STRN4: variants seen among roughly 807,000 people sequenced by gnomAD.
STRN4 encodes striatin-4.
STRN4 carries 27 observed loss-of-function variants against 77.9 expected under a neutral mutation model. The observed-to-expected ratio is 0.35, with a 90% CI of 0.26 to 0.48. The LOEUF (loss-of-function observed/expected upper bound fraction) is 0.48. STRN4 is among the 20% of genes least tolerant of loss of function. The pLI is 0.99. For missense variants in STRN4, 798 were observed against 1,049.7 expected (o/e 0.76, Z 3.31); for synonymous variants, 466 against 443.1 (o/e 1.05, Z -0.65).
Position 46,746,414 on chromosome 19 carries a change from G to C in STRN4, c.17C>G (p.Ala6Gly), listed in dbSNP as rs1373712298. The change falls in exon 1 of 18, where the codon GCG becomes GGG. Residue 6 changes from alanine to glycine, a missense_variant. Physicochemically the swap from Ala to Gly is moderately conservative, Grantham distance 60. This residue lies in a region of STRN4 where 511 missense variants were observed against 575.9 expected (regional missense o/e 0.89). Transcript: ENST00000263280. MMEER[A>G]AAAVAAAASS... is the part of the protein sequence containing the mutation. ...GGCGGCGGCGGCGACCGCGGCGGCC[G>C]CTCGCTCCTCCATCATGGAGGCCCC... 4.8e-6 allele frequency: 5 copies of C among 1,040,752 alleles called. No individual in the cohort carries two copies. The highest frequency in any genetic ancestry group is 5.8e-6 in the Non-Finnish European group (5 of 868,922). The allele number at this position is 1,040,752 out of a possible 1,614,324, so 64.5% of individuals were successfully genotyped here. A position where few individuals can be genotyped will look rare whatever the true frequency, so the allele number is the denominator to read the frequency against.
intron 3 of STRN4, among the ~76,000 whole-genome samples, chr19:46,737,682 G>A (rs549886900): frequency 1.3e-5 from 2 of 152,234 alleles, no homozygotes; most frequent in East Asian, 3.9e-4. Context: ...CTTTCAAGGA[G>A]CTTAGACTCT....
Position 46,736,585 on chromosome 19 carries a change from CATT to C in STRN4, c.539+235_539+237del, listed in dbSNP as rs1490265042. Among the ~76,000 whole-genome samples, 41 of 137,660 alleles carry C rather than the reference CATT, an allele frequency of 3.0e-4. 1 individual carries two copies. The highest frequency in any genetic ancestry group is 1.1e-3 in the Admixed American group (15 of 13,276). The allele number at this position is 137,660 out of a possible 152,430, so 90.3% of individuals were successfully genotyped here. On this transcript the variant is annotated intron_variant, in intron 4 of 17. Transcript: ENST00000263280. ...AAAAAAAAAAAAAAAGCCACAGAGG[CATT>C]CAGGGACACATTCCAACAGGGGTGT... is the stretch of plus-strand genomic sequence containing the variant.
At chr19:46,734,943 C>G (rs1022487491) in intron 4 of STRN4, among the ~76,000 whole-genome samples, 68 of 152,252 alleles carry the variant, frequency 4.5e-4, no homozygotes, top group South Asian at 8.3e-4. Context: ...GGATTACAGG[C>G]ATGAGCTACT....
rs565010376 is a variant in STRN4, at chr19:46,725,050, C to G, written c.1473-122G>C. On this transcript the variant is annotated intron_variant, in intron 11 of 17. Transcript: ENST00000263280. ...GCCAAAAGGAATTCAGTGACTGGGG[C>G]TCTGGCCATGCTACCTGGACAAGCT... The G allele has an allele frequency of 4.1e-6, 6 of 1,449,146 alleles. No individual in the cohort carries two copies. In the African/African-American group the frequency reaches 5.6e-5, roughly 13 times the overall value. 89.8% of individuals were successfully genotyped at this position (1,449,146 alleles called of 1,614,324 possible).
rs899100530 is a variant in STRN4, at chr19:46,731,017, A to G, written c.738-144T>C. 5 of 1,133,754 alleles carry G rather than the reference A, an allele frequency of 4.4e-6. No individual in the cohort carries two copies. The African/African-American group carries it at 7.7e-5, about 18-fold the overall frequency. 70.2% of individuals were successfully genotyped at this position (1,133,754 alleles called of 1,614,324 possible). ...TGAGCAGCCTTGACTCTGGTCACACACAGAGCCCCAACCCCAGCCTCTGCC... is the reference window on the plus strand; with the variant it reads ...TGAGCAGCCTTGACTCTGGTCACACGCAGAGCCCCAACCCCAGCCTCTGCC... On this transcript the variant is annotated intron_variant, in intron 5 of 17. Transcript: ENST00000263280.
In STRN4 at chr19:46,738,951, A is replaced by T; in HGVS notation, c.283-63T>A. ...GCTCAGGCTCAATGCCGGTGTGTCTATCACTCACCCAGGTATAGTGCCAGC... is the reference window on the plus strand; with the variant it reads ...GCTCAGGCTCAATGCCGGTGTGTCTTTCACTCACCCAGGTATAGTGCCAGC... On this transcript the variant is annotated intron_variant, in intron 1 of 17. Coordinates refer to ENST00000263280, the MANE Select transcript of STRN4 (RefSeq NM_013403.3). The surrounding 1 kb of genome is among the most constrained non-coding windows in gnomAD (Gnocchi z 4.5). The T allele has an allele frequency of 7.1e-7, 1 of 1,412,036 alleles. No individual in the cohort carries two copies. The highest frequency in any genetic ancestry group is 1.7e-5 in the Admixed American group (1 of 59,518). 87.5% of individuals were successfully genotyped at this position (1,412,036 alleles called of 1,614,324 possible). A position where few individuals can be genotyped will look rare whatever the true frequency, so the allele number is the denominator to read the frequency against.
At chr19:46,721,958 C>G in intron 16 of STRN4, 28 bp downstream of exon 16, 2 of 1,612,430 alleles carry the variant, frequency 1.2e-6, no homozygotes, top group Non-Finnish European at 8.5e-7. Flanking sequence ...TCTCCCCAAC[C>G]CTGGTGGGAC....
chr19:46,725,852 G>A (rs978465472), intron 9 of STRN4: 3 of 661,434 alleles, frequency 4.5e-6, no homozygotes, highest in African/African-American at 1.8e-5. Flanking sequence ...CCCACACTGC[G>A]CTGGGTTCTG....
intron 17 of STRN4, 98 bp downstream of exon 17, chr19:46,720,438 C>T: frequency 1.1e-6 from 1 of 871,010 alleles, no homozygotes; most frequent in Non-Finnish European, 1.6e-6. Context: ...CCCAGTGATT[C>T]TCACAGGACG....
intron 6 of STRN4, among the ~76,000 whole-genome samples, chr19:46,730,250 C>A (rs2054217602): frequency 6.6e-6 from 1 of 152,178 alleles, no homozygotes; most frequent in African/African-American, 2.4e-5. Flanking sequence ...ACTGGGGATA[C>A]TGGAGATGCA....
chr19:46,742,529 G>A (rs2054492231), intron 1 of STRN4, among the ~76,000 whole-genome samples: 1 of 152,012 alleles, frequency 6.6e-6, no homozygotes, highest in Admixed American at 6.6e-5. Context: ...TAAACTGGTG[G>A]GTCAATGTGG....
At position 46,723,363 on chromosome 19, in the gene STRN4, C is replaced by A; in HGVS notation, c.1595-79G>T. ...TGGACAGCCCAGAGCCCCAGCTCTG[C>A]CAAGCCCCAGGCAGCTGGGCTCCAA... On this transcript the variant is annotated intron_variant, in intron 12 of 17. Coordinates refer to ENST00000263280, the MANE Select transcript of STRN4 (RefSeq NM_013403.3). The surrounding 1 kb of genome is among the most constrained non-coding windows in gnomAD (Gnocchi z 5.5). 1 of 1,455,098 alleles carries A rather than the reference C, an allele frequency of 6.9e-7. No homozygotes were observed. The allele number at this position is 1,455,098 out of a possible 1,614,324, so 90.1% of individuals were successfully genotyped here.
At chr19:46,728,962 C>G in intron 6 of STRN4, 185 bp from the exon 7 acceptor site, 1 of 780,852 alleles carries the variant, frequency 1.3e-6, no homozygotes, top group Non-Finnish European at 2.0e-6. Context: ...CCACTAGGGC[C>G]GGTCGGCCTG....
In STRN4 at chr19:46,746,377, A is replaced by G; in HGVS notation, c.54T>C (p.Arg18=). The part of the protein sequence containing the change: ...AAVAAAASSC[R]PLGSGAGPGP... ...CAGGGCCCGCGCCTGAGCCGAGCGGACGGCAGGAGGAGGCGGCGGCGGCGA... is the reference window on the plus strand; with the variant it reads ...CAGGGCCCGCGCCTGAGCCGAGCGGGCGGCAGGAGGAGGCGGCGGCGGCGA... The change falls in exon 1 of 18, where the codon CGT becomes CGC. Residue 18 remains arginine, a synonymous_variant. Transcript: ENST00000263280. 1 of 1,120,236 alleles carries G rather than the reference A, an allele frequency of 8.9e-7. No homozygotes were observed. The highest frequency in any genetic ancestry group is 3.8e-4 in the Middle Eastern group (1 of 2,626). 69.4% of individuals were successfully genotyped at this position (1,120,236 alleles called of 1,614,324 possible). A position where few individuals can be genotyped will look rare whatever the true frequency, so the allele number is the denominator to read the frequency against.
intron 8 of STRN4, 77 bp from the exon 9 acceptor site, chr19:46,727,623 G>C: frequency 2.5e-6 from 3 of 1,181,890 alleles, no homozygotes; most frequent in Admixed American, 3.8e-5. Flanking sequence ...GAGAATGACA[G>C]AGAGAGGCAG....
At chr19:46,727,405 G>A (rs1165845455) in intron 9 of STRN4, 47 bp downstream of exon 9, 1 of 1,530,460 alleles carries the variant, frequency 6.5e-7, no homozygotes, top group African/African-American at 1.4e-5. Flanking sequence ...GCTGGCCCTG[G>A]GCGCAATGCC....
chr19:46,741,063 G>A lies in STRN4; in HGVS notation c.283-2175C>T, dbSNP rs184980077. ...TTAAGTACAGAGAGGTAACCGATTC[G>A]CATGTTATAAAGGCAGCTCCAGCTA... is the stretch of plus-strand genomic sequence containing the variant. On this transcript the variant is annotated intron_variant, in intron 1 of 17. Transcript: ENST00000263280. This position sits in a 1 kb window ranked among gnomAD's most constrained non-coding sequence, Gnocchi z 4.9. Among the ~76,000 whole-genome samples, 51 of 152,244 alleles carry A rather than the reference G, an allele frequency of 3.3e-4. 1 individual carries two copies. Among genetic ancestry groups the A allele is most frequent in the Admixed American group, 3.1e-3 (47 of 15,286 alleles).
At position 46,733,305 on chromosome 19, in the gene STRN4, C is replaced by A; in HGVS notation, c.540-69G>T. The A allele has an allele frequency of 4.0e-6, 6 of 1,483,956 alleles. No homozygotes were observed. The highest frequency in any genetic ancestry group is 4.6e-6 in the Non-Finnish European group (5 of 1,093,276). The allele number at this position is 1,483,956 out of a possible 1,614,324, so 91.9% of individuals were successfully genotyped here. A position where few individuals can be genotyped will look rare whatever the true frequency, so the allele number is the denominator to read the frequency against. The stretch of plus-strand genomic sequence containing the variant: ...TCTTCATGTACCACAGGGGCCAATG[C>A]AAACCGAGACAACCTCTTAAGGGGC... On this transcript the variant is annotated intron_variant, in intron 4 of 17. Transcript: ENST00000263280. This position sits in a 1 kb window ranked among gnomAD's most constrained non-coding sequence, Gnocchi z 4.3.
intron 4 of STRN4, among the ~76,000 whole-genome samples, chr19:46,734,728 G>A (rs1344597303): frequency 4.6e-5 from 7 of 152,250 alleles, no homozygotes; most frequent in Admixed American, 2.6e-4. Flanking sequence ...GCAGTGGCAC[G>A]ATCTCGGCTC....
Sources: gnomAD v4.1 joint callset for allele counts (sites outside exome capture counted in the v4.1 genomes callset) on GRCh38, gnomAD v4.1.1 for gene constraint, gnomAD v4.1.1 regional missense constraint, Gnocchi (gnomAD v3.1) non-coding constraint, MANE v1.5 for transcripts, NCBI Gene and HGNC (gene_info 2026-07-23, HGNC 2026-07-21) for gene names.